ZMIZ1: variants seen among roughly 807,000 people sequenced by gnomAD.
The protein encoded by ZMIZ1 is zinc finger MIZ-type containing 1, also known as zinc finger MIZ domain-containing protein 1.
In ZMIZ1, 17 loss-of-function variants were observed where a neutral mutation model predicts 113.9. The ratio of observed to expected loss-of-function variants is 0.15; its 90% CI spans 0.10 to 0.22. The LOEUF (loss-of-function observed/expected upper bound fraction) is 0.22. ZMIZ1 is among the 10% of genes least tolerant of loss of function. ZMIZ1 has a pLI of 1.00. For missense variants in ZMIZ1, 1,059 were observed against 1,477.8 expected (o/e 0.72, Z 4.65); for synonymous variants, 607 against 603.1 (o/e 1.01, Z -0.09).
rs1855323754 is a variant in ZMIZ1, at chr10:79,313,322, GTC to G, written c.*578_*579del. The G allele has an allele frequency of 6.5e-6, 1 of 154,746 alleles. No individual in the cohort carries two copies. The highest frequency in any genetic ancestry group is 1.9e-4 in the East Asian group (1 of 5,304). The allele number at this position is 154,746 out of a possible 1,614,324, so 9.6% of individuals were successfully genotyped here. On this transcript the variant is annotated 3_prime_UTR_variant, in exon 25 of 25. Transcript: ENST00000334512. ...AGCACAAACCTCTGGGAAAGACAAC[GTC>G]TCTCGGGGGCCAGGGGTCATCGGTT...
intron 2 of ZMIZ1, among the ~76,000 whole-genome samples, chr10:79,120,689 T>C (rs949689291): frequency 2.6e-5 from 4 of 152,002 alleles, no homozygotes; most frequent in South Asian, 2.1e-4. Flanking sequence ...GAGAGCAATT[T>C]TGGGCACTCT....
At chr10:79,302,706 GAGA>G (rs1564601354) in intron 18 of ZMIZ1, among the ~76,000 whole-genome samples, 1 of 25,190 alleles carries the variant, frequency 4.0e-5, no homozygotes, top group Non-Finnish European at 9.1e-5. Context: ...TTTTTTTTTT[GAGA>G]GAGAGAGAGA....
At chr10:79,200,480 A>T (rs999048097) in intron 4 of ZMIZ1, among the ~76,000 whole-genome samples, 1 of 152,156 alleles carries the variant, frequency 6.6e-6, no homozygotes, top group Non-Finnish European at 1.5e-5. Context: ...ATTCATGCTA[A>T]TGGCCCTGAG....
Position 79,208,374 on chromosome 10 carries a change from G to C in ZMIZ1, c.99G>C (p.Thr33=), listed in dbSNP as rs200466336. ...CTGCCAACTTCCACAATGCCGCCAC[G>C]GAGCTGCTGGACTGGTGCGGAGACC... The part of the protein sequence containing the change: ...QNPANFHNAA[T]ELLDWCGDPR... The change falls in exon 6 of 25, where the codon ACG becomes ACC. Residue 33 remains threonine, a synonymous_variant. Transcript: ENST00000334512. 1 of 1,614,140 alleles carries C rather than the reference G, an allele frequency of 6.2e-7. No individual in the cohort carries two copies. Among genetic ancestry groups the C allele is most frequent in the Non-Finnish European group, 8.5e-7 (1 of 1,180,034 alleles).
chr10:79,215,226 C>A (rs1250023349), intron 6 of ZMIZ1, among the ~76,000 whole-genome samples: 1 of 151,960 alleles, frequency 6.6e-6, no homozygotes, highest in Admixed American at 6.6e-5. Context: ...CAATGCCTGC[C>A]CCATCCCGGA....
At chr10:79,167,259 G>T (rs1846395580) in intron 4 of ZMIZ1, among the ~76,000 whole-genome samples, 1 of 152,196 alleles carries the variant, frequency 6.6e-6, no homozygotes, top group Admixed American at 6.5e-5. Flanking sequence ...TTACATATTG[G>T]GATGGTAATG....
At chr10:79,146,440 C>G (rs1410383040) in intron 3 of ZMIZ1, among the ~76,000 whole-genome samples, 6 of 152,172 alleles carry the variant, frequency 3.9e-5, no homozygotes, top group Admixed American at 3.3e-4. Context: ...TCCCTCACCC[C>G]CTAGATGCCC....
intron 6 of ZMIZ1, among the ~76,000 whole-genome samples, chr10:79,212,304 C>T (rs1010863481): frequency 2.6e-5 from 4 of 151,968 alleles, no homozygotes; most frequent in African/African-American, 9.7e-5. Flanking sequence ...ACTACAGGCA[C>T]CTGCCACCAT....
intron 2 of ZMIZ1, among the ~76,000 whole-genome samples, chr10:79,136,329 A>T (rs1317785436): frequency 6.6e-6 from 1 of 152,226 alleles, no homozygotes; most frequent in Non-Finnish European, 1.5e-5. Context: ...AGCCTGTCCC[A>T]GGAAGTCAAG....
intron 1 of ZMIZ1, among the ~76,000 whole-genome samples, chr10:79,071,428 G>A (rs1219114102): frequency 6.6e-6 from 1 of 152,220 alleles, no homozygotes; most frequent in Non-Finnish European, 1.5e-5. Flanking sequence ...GGCAGGCGCC[G>A]GGGCTGGAGA....
intron 7 of ZMIZ1, among the ~76,000 whole-genome samples, chr10:79,242,622 A>G (rs1849903214): frequency 7.5e-6 from 1 of 133,238 alleles, no homozygotes. Flanking sequence ...CCCGCCGTGG[A>G]CCCTCATTAG....
At chr10:79,174,175 C>A (rs1197859008) in intron 4 of ZMIZ1, among the ~76,000 whole-genome samples, 1 of 152,204 alleles carries the variant, frequency 6.6e-6, no homozygotes, top group South Asian at 2.1e-4. Flanking sequence ...AGCTTTGGGG[C>A]AGGCCTGCCC....
intron 23 of ZMIZ1, among the ~76,000 whole-genome samples, chr10:79,307,971 C>G (rs1284528782): frequency 2.6e-5 from 4 of 152,220 alleles, no homozygotes; most frequent in Non-Finnish European, 5.9e-5. Flanking sequence ...CACTTATTCT[C>G]CAAGGATCTG....
chr10:79,261,002 G>C (rs975524263), intron 7 of ZMIZ1, among the ~76,000 whole-genome samples: 1 of 152,154 alleles, frequency 6.6e-6, no homozygotes, highest in Admixed American at 6.5e-5. Flanking sequence ...CCGAGGACAC[G>C]TCCCTGCATG....
rs543763591 is a variant in ZMIZ1, at chr10:79,279,308, C to A, written c.425+1983C>A. Among the ~76,000 whole-genome samples, 575 of 150,658 alleles carry A rather than the reference C, an allele frequency of 3.8e-3. 2 individuals are homozygous for A. Among genetic ancestry groups the A allele is most frequent in the African/African-American group, 0.014 (557 of 40,878 alleles). ...ATGGGGTGGTGGCGGGGCAGAGACA[C>A]TCCTCAGTTCCCAGACGGGGTCGCG... On this transcript the variant is annotated intron_variant, in intron 8 of 24. Coordinates refer to ENST00000334512, the MANE Select transcript of ZMIZ1 (RefSeq NM_020338.4).
At chr10:79,290,842 T>G in intron 9 of ZMIZ1, 117 bp from the exon 10 acceptor site, 1 of 1,203,210 alleles carries the variant, frequency 8.3e-7, no homozygotes. Context: ...TTTTTCCTCC[T>G]CCCTGTTGTC....
rs747862917 is a variant in ZMIZ1 at position 79,306,393 on chromosome 10, TC to T, written c.2668+52del. Reference sequence around the variant, plus strand: ...AAGGGAGAAGGAGGGCAGCCCCAAGTCCCTGCAGAGGCACAGAATTTCTGTG... The same window carrying T: ...AAGGGAGAAGGAGGGCAGCCCCAAGTCCTGCAGAGGCACAGAATTTCTGTG... On this transcript the variant is annotated intron_variant, in intron 22 of 24. Coordinates refer to ENST00000334512, the MANE Select transcript of ZMIZ1 (RefSeq NM_020338.4). 8.8e-6 allele frequency: 14 copies of T among 1,591,162 alleles called. No individual in the cohort carries two copies. In the African/African-American group the frequency reaches 1.6e-4, roughly 18 times the overall value.
At chr10:79,241,166 C>T (rs1242631115) in intron 7 of ZMIZ1, among the ~76,000 whole-genome samples, 6 of 152,262 alleles carry the variant, frequency 3.9e-5, no homozygotes, top group African/African-American at 1.4e-4. Flanking sequence ...ACAGTAGAAA[C>T]CAGATCTTAG....
At chr10:79,159,414 C>T (rs764599423) in intron 3 of ZMIZ1, among the ~76,000 whole-genome samples, 2 of 152,186 alleles carry the variant, frequency 1.3e-5, no homozygotes, top group African/African-American at 2.4e-5. Flanking sequence ...TGCCCGGCGC[C>T]GTCTGGCCCT....
Sources: allele counts gnomAD v4.1 joint callset (sites outside exome capture counted in the v4.1 genomes callset), GRCh38; gene constraint gnomAD v4.1.1; transcripts MANE v1.5; gene names NCBI Gene and HGNC (gene_info 2026-07-23, HGNC 2026-07-21).